The following ENOX1 variants were observed in gnomAD, a reference collection of about 807,000 sequenced individuals.
ENOX1 encodes candidate growth-related and time keeping constitutive hydroquinone (NADH) oxidase.
A neutral mutation model predicts 82.5 loss-of-function variants in ENOX1; 42 were observed. The ratio of observed to expected loss-of-function variants is 0.51; its 90% CI spans 0.40 to 0.66. ENOX1 has a LOEUF of 0.66. Among genes scored for constraint, ENOX1 ranks in the 30% least tolerant of loss-of-function variants. ENOX1 has a pLI of 0.00. For synonymous variants in ENOX1, 271 were observed against 282.2 expected, an observed-to-expected ratio of 0.96 and a Z score of 0.40; for missense variants, 608 against 811.6, an observed-to-expected ratio of 0.75 and a Z score of 3.05.
At chr13:43,559,129 C>T (rs1039197969) in intron 2 of ENOX1, among the ~76,000 whole-genome samples, 7 of 152,162 alleles carry the variant, frequency 4.6e-5, no homozygotes, top group Non-Finnish European at 8.8e-5. Context: ...CACATCTGGC[C>T]TGCTGGCAAG....
chr13:43,728,009 TG>T (rs2089095850), intron 1 of ENOX1, among the ~76,000 whole-genome samples: 1 of 152,262 alleles, frequency 6.6e-6, no homozygotes, highest in African/African-American at 2.4e-5. Flanking sequence ...AATAGTTTAA[TG>T]TACTAAAGGC....
intron 11 of ENOX1, among the ~76,000 whole-genome samples, chr13:43,316,551 C>T (rs1308256580): frequency 6.6e-6 from 1 of 151,902 alleles, no homozygotes; most frequent in African/African-American, 2.4e-5. Context: ...GGAGTGCTTC[C>T]ATTGAAATGG....
chr13:43,636,661 G>A (rs2083427191), intron 2 of ENOX1, among the ~76,000 whole-genome samples: 1 of 150,532 alleles, frequency 6.6e-6, no homozygotes, highest in Non-Finnish European at 1.5e-5. Context: ...TTGTTTCACA[G>A]AAATCCTGTG....
At chr13:43,580,158 C>A (rs919777779) in intron 2 of ENOX1, among the ~76,000 whole-genome samples, 1 of 152,158 alleles carries the variant, frequency 6.6e-6, no homozygotes, top group Admixed American at 6.5e-5. Flanking sequence ...ATATTCATGT[C>A]CTTGACCTGT....
intron 2 of ENOX1, among the ~76,000 whole-genome samples, chr13:43,489,008 T>C (rs181654508): frequency 6.6e-6 from 1 of 152,282 alleles, no homozygotes; most frequent in African/African-American, 2.4e-5. Context: ...ATGTGGAGAA[T>C]AAAAATTAAG....
chr13:43,502,979 A>T (rs775708423), intron 2 of ENOX1, among the ~76,000 whole-genome samples: 48 of 151,700 alleles, frequency 3.2e-4, no homozygotes, highest in Non-Finnish European at 5.8e-4. Flanking sequence ...TAAGAAGTCC[A>T]TACACACAGA....
intron 5 of ENOX1, among the ~76,000 whole-genome samples, chr13:43,370,675 T>C (rs1238307277): frequency 6.6e-6 from 1 of 152,210 alleles, no homozygotes; most frequent in East Asian, 1.9e-4. Context: ...TAGGGCTTGG[T>C]TGTTTCTTTT....
At chr13:43,575,791 C>T (rs754415271) in intron 2 of ENOX1, among the ~76,000 whole-genome samples, 3 of 152,166 alleles carry the variant, frequency 2.0e-5, no homozygotes, top group Non-Finnish European at 4.4e-5. Context: ...GTATTTTACT[C>T]CAGGTTCCTC....
At chr13:43,435,379 C>G (rs942394200) in intron 3 of ENOX1, among the ~76,000 whole-genome samples, 1 of 152,164 alleles carries the variant, frequency 6.6e-6, no homozygotes, top group Admixed American at 6.5e-5. Context: ...CTTCTCCATT[C>G]CAACTGACAA....
At chr13:43,441,945 T>C (rs1006023485) in intron 3 of ENOX1, among the ~76,000 whole-genome samples, 1 of 152,152 alleles carries the variant, frequency 6.6e-6, no homozygotes, top group Non-Finnish European at 1.5e-5. Flanking sequence ...TTTTACTACT[T>C]AATTAAAATT....
chr13:43,735,944 G>A (rs868442126), intron 1 of ENOX1, among the ~76,000 whole-genome samples: 7 of 152,214 alleles, frequency 4.6e-5, no homozygotes, highest in Middle Eastern at 6.8e-3. Context: ...GAAACTTCCC[G>A]TAAAAGTGCA....
chr13:43,471,149 A>T (rs2058049028), intron 3 of ENOX1, among the ~76,000 whole-genome samples: 1 of 152,188 alleles, frequency 6.6e-6, no homozygotes, highest in South Asian at 2.1e-4. Flanking sequence ...AGCAATAGAG[A>T]ACTACCAATG....
chr13:43,747,534 G>A (rs1306990469), intron 1 of ENOX1, among the ~76,000 whole-genome samples: 1 of 152,206 alleles, frequency 6.6e-6, no homozygotes, highest in East Asian at 1.9e-4. Flanking sequence ...CTGCGATGGT[G>A]AGGGTTGTGT....
rs139946781 is a variant in ENOX1, at chr13:43,223,198, C to A, written c.1800+855G>T. ...CTGGTCTGGTCGTACCAATCCCATG[C>A]GTTTTGCTGTGCTCTATGGAGGACC... On this transcript the variant is annotated intron_variant, in intron 16 of 16. Coordinates refer to ENST00000690772, the MANE Select transcript of ENOX1 (RefSeq NM_001347969.2). Among the ~76,000 whole-genome samples, 19 of 152,276 alleles carry A rather than the reference C, an allele frequency of 1.2e-4. 1 individual carries two copies. The East Asian group carries it at 3.7e-3, about 29-fold the overall frequency.
At chr13:43,382,674 T>C (rs2052137303) in intron 5 of ENOX1, among the ~76,000 whole-genome samples, 1 of 152,120 alleles carries the variant, frequency 6.6e-6, no homozygotes, top group Admixed American at 6.6e-5. Flanking sequence ...GAACAGGAAA[T>C]GTTTTGGTGT....
intron 2 of ENOX1, among the ~76,000 whole-genome samples, chr13:43,515,697 T>G (rs1180877825): frequency 6.6e-6 from 1 of 152,184 alleles, no homozygotes; most frequent in Non-Finnish European, 1.5e-5. Context: ...CACTACACTA[T>G]GCTAGTGCTA....
At chr13:43,675,091 C>A (rs1156940400) in intron 1 of ENOX1, among the ~76,000 whole-genome samples, 1 of 152,092 alleles carries the variant, frequency 6.6e-6, no homozygotes, top group African/African-American at 2.4e-5. Context: ...TAGTTTCAAG[C>A]AGGGCTTGTC....
chr13:43,721,376 C>CTTTTTTTTTT (rs761888585), intron 1 of ENOX1, among the ~76,000 whole-genome samples: 1 of 107,620 alleles, frequency 9.3e-6, no homozygotes, highest in African/African-American at 3.8e-5. Context: ...TATTTTATAT[C>CTTTTTTTTTT]TTTTTTTTTT....
intron 3 of ENOX1, among the ~76,000 whole-genome samples, chr13:43,449,267 T>A (rs1229526727): frequency 2.6e-5 from 4 of 152,186 alleles, no homozygotes; most frequent in African/African-American, 9.7e-5. Context: ...AAATTAGGTT[T>A]CTTGGAAAAG....
Sources: gnomAD v4.1 joint callset for allele counts (sites outside exome capture counted in the v4.1 genomes callset) on GRCh38, gnomAD v4.1.1 for gene constraint, MANE v1.5 for transcripts, NCBI Gene and HGNC (gene_info 2026-07-23, HGNC 2026-07-21) for gene names.